The following COBLL1 variants were observed in gnomAD, a reference collection of about 807,000 sequenced individuals.
COBLL1 encodes cordon-bleu WH2 repeat protein like 1.
Under a neutral mutation model 94.8 loss-of-function variants are expected in COBLL1, and 50 were observed. The observed-to-expected ratio is 0.53, with a 90% CI of 0.42 to 0.67. The LOEUF (loss-of-function observed/expected upper bound fraction) is 0.67, where lower values mean the gene tolerates loss of function less well. COBLL1 is among the 30% of genes least tolerant of loss of function. The probability of loss-of-function intolerance (pLI) is 0.00; values close to 1 mark genes in which losing one functional copy is unlikely to be tolerated. For missense variants in COBLL1, 1,362 were observed against 1,348.7 expected, an observed-to-expected ratio of 1.01 and a Z score of -0.15; for synonymous variants, 448 against 473.8, an observed-to-expected ratio of 0.95 and a Z score of 0.71.
chr2:164,667,015 C>G (rs1045301979), intron 1 of COBLL1, among the ~76,000 whole-genome samples: 3 of 152,040 alleles, frequency 2.0e-5, no homozygotes, highest in Non-Finnish European at 4.4e-5. Context: ...TTTTTACTTT[C>G]CTCGGATCCA....
At chr2:164,752,194 T>A (rs993529761) in intron 2 of COBLL1, among the ~76,000 whole-genome samples, 3 of 152,164 alleles carry the variant, frequency 2.0e-5, no homozygotes, top group Admixed American at 1.3e-4. Context: ...TTAGAAAATG[T>A]TTTTTACCTG....
chr2:164,665,330 C>CA (rs11441643), intron 2 of COBLL1, among the ~76,000 whole-genome samples: 102,209 of 121,732 alleles, frequency 0.84, 42,539 homozygotes, highest in South Asian at 0.91. Flanking sequence ...GATTCTGTGT[C>CA]AAAAAAAAAA....
At chr2:164,772,312 GTATT>G (rs1247355977) in intron 2 of COBLL1, among the ~76,000 whole-genome samples, 1 of 151,828 alleles carries the variant, frequency 6.6e-6, no homozygotes, top group Non-Finnish European at 1.5e-5. Context: ...TAAATCTCAT[GTATT>G]TATTTTTATA....
chr2:164,689,074 T>C (rs575181452), intron 13 of COBLL1, among the ~76,000 whole-genome samples: 1 of 152,284 alleles, frequency 6.6e-6, no homozygotes, highest in East Asian at 1.9e-4. Context: ...GCTTGATTTA[T>C]TAATGCTTTA....
intron 7 of COBLL1, among the ~76,000 whole-genome samples, chr2:164,714,722 T>G (rs967990227): frequency 1.3e-5 from 2 of 152,088 alleles, no homozygotes; most frequent in African/African-American, 4.8e-5. Context: ...CACATGCTGG[T>G]TACCAGAGAA....
At chr2:164,658,179 G>A (rs1014627157) in intron 2 of COBLL1, among the ~76,000 whole-genome samples, 1 of 152,054 alleles carries the variant, frequency 6.6e-6, no homozygotes, top group Non-Finnish European at 1.5e-5. Flanking sequence ...AGATGGAAGC[G>A]GTCACCTTCC....
intron 2 of COBLL1, among the ~76,000 whole-genome samples, chr2:164,749,880 C>T (rs1449431398): frequency 2.0e-5 from 3 of 152,062 alleles, no homozygotes; most frequent in African/African-American, 7.3e-5. Flanking sequence ...TCACACTGAG[C>T]ACTATTTCAC....
chr2:164,752,710 C>T (rs1336779103), intron 2 of COBLL1, among the ~76,000 whole-genome samples: 1 of 152,072 alleles, frequency 6.6e-6, no homozygotes, highest in Non-Finnish European at 1.5e-5. Flanking sequence ...AAGGCAGATA[C>T]CAGATGTACC....
At chr2:164,796,560 G>A (rs538535629) in intron 2 of COBLL1, among the ~76,000 whole-genome samples, 12 of 151,640 alleles carry the variant, frequency 7.9e-5, no homozygotes, top group African/African-American at 2.9e-4. Context: ...TAATATCTTC[G>A]AACTTTCTAC....
In COBLL1 at chr2:164,722,470, T is replaced by C; in HGVS notation, c.714A>G (p.Lys238=). The C allele has an allele frequency of 6.5e-7, 1 of 1,528,164 alleles. No homozygotes were observed. Among genetic ancestry groups the C allele is most frequent in the East Asian group, 2.3e-5 (1 of 43,872 alleles). The allele number at this position is 1,528,164 out of a possible 1,614,324, so 94.7% of individuals were successfully genotyped here. A position where few individuals can be genotyped will look rare whatever the true frequency, so the allele number is the denominator to read the frequency against. ...NLDIMKEKEN[K]GFFSFFQRSK... ...TGCGTTGAAAAAAACTGAAAAACCC[T>C]TTATTTTCTTTCTCCTTCATAATAT... Residue 238 remains lysine, a synonymous_variant, in exon 6 of 14, where the codon AAA becomes AAG. Coordinates refer to ENST00000652658, the MANE Select transcript of COBLL1 (RefSeq NM_001365672.2).
intron 2 of COBLL1, among the ~76,000 whole-genome samples, chr2:164,792,885 A>C (rs952923981): frequency 3.9e-5 from 6 of 152,146 alleles, no homozygotes; most frequent in African/African-American, 1.4e-4. Flanking sequence ...GATTAATTCC[A>C]TTCCTAGGCC....
At chr2:164,782,942 A>G (rs1688783966) in intron 2 of COBLL1, among the ~76,000 whole-genome samples, 1 of 152,236 alleles carries the variant, frequency 6.6e-6, no homozygotes, top group South Asian at 2.1e-4. Context: ...TTAAAATGTT[A>G]TAACTTCAAT....
rs1191973847 is a variant in COBLL1, at chr2:164,722,542, TCTTA to T, written c.662-24_662-21del. 7.4e-7 allele frequency: 1 copy of T among 1,346,208 alleles called. No homozygotes were observed. Among genetic ancestry groups the T allele is most frequent in the Non-Finnish European group, 1.0e-6 (1 of 994,208 alleles). The allele number at this position is 1,346,208 out of a possible 1,614,324, so 83.4% of individuals were successfully genotyped here. On this transcript the variant is annotated intron_variant, in intron 5 of 13. Transcript: ENST00000652658. ...AGGACTCTAAAATAGAAGAAAAGCA[TCTTA>T]CTTTTGTATGTGAGGTTGACTGTTC...
At chr2:164,758,696 AAG>A (rs1419755183) in intron 2 of COBLL1, among the ~76,000 whole-genome samples, 1 of 152,190 alleles carries the variant, frequency 6.6e-6, no homozygotes, top group Non-Finnish European at 1.5e-5. Flanking sequence ...AAAATATGAG[AAG>A]AGAGAACTAT....
In COBLL1 at chr2:164,841,287, C is replaced by G; in HGVS notation, c.-50-41G>C. The stretch of plus-strand genomic sequence containing the variant: ...CCGGCGGGTCAGGGCGGGACGCGCG[C>G]CTTCCCGAGGCCGGAGCGAAGCTGG... On this transcript the variant is annotated intron_variant, in intron 1 of 13. Coordinates refer to ENST00000652658, the MANE Select transcript of COBLL1 (RefSeq NM_001365672.2). The surrounding 1 kb of genome is among the most constrained non-coding windows in gnomAD (Gnocchi z 5.5). 1 of 1,218,594 alleles carries G rather than the reference C, an allele frequency of 8.2e-7. No homozygotes were observed. Among genetic ancestry groups the G allele is most frequent in the Non-Finnish European group, 1.0e-6 (1 of 979,500 alleles). 75.5% of individuals were successfully genotyped at this position (1,218,594 alleles called of 1,614,324 possible).
rs547190404 is a variant in COBLL1, at chr2:164,763,213, C to T, written c.42-19338G>A. On this transcript the variant is annotated intron_variant, in intron 2 of 13. Coordinates refer to ENST00000652658, the MANE Select transcript of COBLL1 (RefSeq NM_001365672.2). The stretch of plus-strand genomic sequence containing the variant: ...AGGGTCACATTTCCAATAAAGTCAC[C>T]GTACAATTTTAAAATCCTTAGTTTT... Among the ~76,000 whole-genome samples the T allele has an allele frequency of 4.6e-5, 7 of 151,930 alleles. No homozygotes were observed. The South Asian group carries it at 1.0e-3, about 23-fold the overall frequency.
intron 2 of COBLL1, among the ~76,000 whole-genome samples, chr2:164,818,931 G>A (rs938169271): frequency 2.9e-4 from 44 of 151,338 alleles, no homozygotes; most frequent in African/African-American, 6.8e-4. Context: ...CACCAAGCCC[G>A]GCTTTTTTTT....
At chr2:164,821,415 T>C (rs570453195) in intron 2 of COBLL1, among the ~76,000 whole-genome samples, 3 of 152,286 alleles carry the variant, frequency 2.0e-5, no homozygotes, top group Admixed American at 1.3e-4. Context: ...ATCTTACACA[T>C]TGTTTATAAT....
chr2:164,819,237 AATG>A (rs1685038417), intron 2 of COBLL1, among the ~76,000 whole-genome samples: 2 of 152,330 alleles, frequency 1.3e-5, no homozygotes, highest in African/African-American at 4.8e-5. Context: ...CTGCATAATA[AATG>A]ATAAAACTAG....
Sources: gnomAD v4.1 joint callset for allele counts (sites outside exome capture counted in the v4.1 genomes callset) on GRCh38, gnomAD v4.1.1 for gene constraint, Gnocchi (gnomAD v3.1) non-coding constraint, MANE v1.5 for transcripts, NCBI Gene and HGNC (gene_info 2026-07-23, HGNC 2026-07-21) for gene names.